The following KCTD19 variants were observed in gnomAD, a reference collection of about 807,000 sequenced individuals.
The protein encoded by KCTD19 is potassium channel tetramerization domain containing 19, also known as BTB/POZ domain-containing protein KCTD19.
Under a neutral mutation model 103.5 loss-of-function variants are expected in KCTD19, and 67 were observed. That is an observed-to-expected ratio of 0.65 (90% confidence interval 0.53 to 0.79). The LOEUF is 0.79. Ranked by LOEUF, KCTD19 falls within the 30% of genes least tolerant of loss-of-function variation. KCTD19 has a pLI of 0.00. For synonymous variants in KCTD19, 439 were observed against 452.2 expected, an observed-to-expected ratio of 0.97 and a Z score of 0.37; for missense variants, 980 against 1,136.1, an observed-to-expected ratio of 0.86 and a Z score of 1.98.
intron 12 of KCTD19, among the ~76,000 whole-genome samples, chr16:67,292,862 C>T (rs1256518723): frequency 1.3e-5 from 2 of 152,162 alleles, no homozygotes; most frequent in African/African-American, 2.4e-5. Flanking sequence ...CTCTTACCCA[C>T]ACCTCAGTAA....
intron 2 of KCTD19, among the ~76,000 whole-genome samples, chr16:67,309,993 C>T (rs1030965633): frequency 2.0e-5 from 3 of 152,210 alleles, no homozygotes; most frequent in African/African-American, 4.8e-5. Context: ...AGATTGCCAT[C>T]CTTGCCAGTC....
intron 2 of KCTD19, among the ~76,000 whole-genome samples, chr16:67,315,014 C>G (rs2036994913): frequency 6.6e-6 from 1 of 151,764 alleles, no homozygotes; most frequent in Non-Finnish European, 1.5e-5. Context: ...AGCCATCATG[C>G]CTAGCTAAAT....
rs747389979 is a variant in KCTD19 at position 67,289,586 on chromosome 16, A to G, written c.2764T>C (p.Tyr922His). 2.3e-5 allele frequency: 37 copies of G among 1,612,290 alleles called. No homozygotes were observed. Among genetic ancestry groups the G allele is most frequent in the Middle Eastern group, 1.6e-4 (1 of 6,062 alleles). The change falls in exon 16 of 16, where the codon TAC (tyrosine) becomes CAC (histidine). Residue 922 changes from tyrosine (Y) to histidine (H), a missense_variant. By Grantham distance (83) the Tyr-to-His change is moderately conservative. Coordinates refer to ENST00000304372, the MANE Select transcript of KCTD19 (RefSeq NM_001100915.3). ...TGGGCACCCTAGTCCTCTTGTAGGT[A>G]CTTTCCCAGGATGGAGTAAGAGACA... ...RSVSYSILGK[Y>H]LQED
chr16:67,291,472 G>A lies in KCTD19; in HGVS notation c.2411-9C>T, dbSNP rs570892420. On this transcript the variant is annotated splice_polypyrimidine_tract_variant and intron_variant, in intron 13 of 15. Transcript: ENST00000304372. ...ACTCAGGAAAGTCACTTCTGTGGAGGAGGGAAAGTGGATGTGGCCACATCT... is the reference window on the plus strand; with the variant it reads ...ACTCAGGAAAGTCACTTCTGTGGAGAAGGGAAAGTGGATGTGGCCACATCT... 156 of 1,612,704 alleles carry A rather than the reference G, an allele frequency of 9.7e-5. 2 individuals carry two copies. The South Asian group carries it at 1.7e-3, about 17-fold the overall frequency.
Position 67,291,357 on chromosome 16 carries a change from G to A in KCTD19, c.2517C>T (p.Asp839=). The A allele has an allele frequency of 1.9e-6, 3 of 1,614,168 alleles. No individual in the cohort carries two copies. The highest frequency in any genetic ancestry group is 1.1e-5 in the South Asian group (1 of 91,084). Residue 839 remains aspartate (D), a synonymous_variant, in exon 14 of 16, where the codon GAC becomes GAT. Transcript: ENST00000304372. ...DIIMDSIRQK[D]PKAITAKVVS... ...CCACCTTGGCTGTGATGGCTTTGGG[G>A]TCCTTTTGCCTGATGGAATCCATGA...
intron 2 of KCTD19, among the ~76,000 whole-genome samples, chr16:67,310,589 G>A (rs2142515555): frequency 6.6e-6 from 1 of 152,308 alleles, no homozygotes; most frequent in African/African-American, 2.4e-5. Context: ...AAGAATAAAT[G>A]ATGTTGCTTT....
chr16:67,293,582 G>T lies in KCTD19; in HGVS notation c.2180C>A (p.Thr727Asn). ...CCTCTGCTTGCTCCAGTCCTTCAGG[G>T]TGCCAGCTCTTTTTGGGGGTAAGTA... is the stretch of plus-strand genomic sequence containing the variant. The part of the protein sequence containing the change: ...KPYLPPKRAG[T>N]LKDWSKQRTK... Residue 727 changes from threonine to asparagine, a missense_variant, in exon 12 of 16, where the codon ACC becomes AAC. By Grantham distance (65) the Thr-to-Asn change is moderately conservative (BLOSUM62 0). Coordinates refer to ENST00000304372, the MANE Select transcript of KCTD19 (RefSeq NM_001100915.3). The surrounding 1 kb of genome is among the most constrained non-coding windows in gnomAD (Gnocchi z 4.0). 6.2e-7 allele frequency: 1 copy of T among 1,614,074 alleles called. No homozygotes were observed. The highest frequency in any genetic ancestry group is 8.5e-7 in the Non-Finnish European group (1 of 1,180,030).
At position 67,320,983 on chromosome 16, in the gene KCTD19, C is replaced by T; in HGVS notation, c.4-98G>A. On this transcript the variant is annotated intron_variant, in intron 1 of 15. Coordinates refer to ENST00000304372, the MANE Select transcript of KCTD19 (RefSeq NM_001100915.3). The surrounding 1 kb of genome is among the most constrained non-coding windows in gnomAD (Gnocchi z 4.0). ...ATAAACTATCTCTGTTTGCTGATGA[C>T]ATGATCTTGTATATAAAAAATCCTA... The T allele has an allele frequency of 1.9e-6, 2 of 1,060,808 alleles. No homozygotes were observed. The highest frequency in any genetic ancestry group is 2.7e-6 in the Non-Finnish European group (2 of 745,658). The allele number at this position is 1,060,808 out of a possible 1,614,324, so 65.7% of individuals were successfully genotyped here.
chr16:67,310,797 T>G lies in KCTD19; in HGVS notation c.301-6226A>C, dbSNP rs561650399. Among the ~76,000 whole-genome samples the G allele has an allele frequency of 1.3e-4, 20 of 152,244 alleles. No individual in the cohort carries two copies. The Middle Eastern group carries it at 0.01, about 78-fold the overall frequency. On this transcript the variant is annotated intron_variant, in intron 2 of 15. Coordinates refer to ENST00000304372, the MANE Select transcript of KCTD19 (RefSeq NM_001100915.3). ...ATGCCTTATGCTCTGATGTAGGCTG[T>G]TGGAAAGAATGTGATGGTAAAGGAG...
chr16:67,324,725 C>T (rs2037111001), intron 1 of KCTD19, among the ~76,000 whole-genome samples: 1 of 152,080 alleles, frequency 6.6e-6, no homozygotes. Flanking sequence ...TAAATGCATG[C>T]AAGAAAGAAT....
At chr16:67,294,363 C>G (rs1199008144) in intron 11 of KCTD19, among the ~76,000 whole-genome samples, 192 bp from the exon 12 acceptor site, 1 of 152,236 alleles carries the variant, frequency 6.6e-6, no homozygotes, top group Non-Finnish European at 1.5e-5. Context: ...CCTGTCATTC[C>G]AACAGGAGAT....
intron 2 of KCTD19, among the ~76,000 whole-genome samples, chr16:67,316,450 G>A (rs2037014571): frequency 6.6e-6 from 1 of 152,068 alleles, no homozygotes; most frequent in African/African-American, 2.4e-5. Flanking sequence ...CAGATTCGAT[G>A]TAAATGTTTT....
At chr16:67,302,590 G>A (rs1026953588) in intron 4 of KCTD19, 1 of 156,842 alleles carries the variant, frequency 6.4e-6, no homozygotes, top group Admixed American at 6.5e-5. Context: ...GGGGGAGAGA[G>A]GCTCTCTCTG....
rs763301444 is a variant in KCTD19, at chr16:67,289,529, C to G, written c.*40G>C. Reference sequence around the variant, plus strand: ...TGGGCTATCTCCAATTAAAATGAGACTTGGCGGGTGGGGCATGAGGGGCTG... The same window carrying G: ...TGGGCTATCTCCAATTAAAATGAGAGTTGGCGGGTGGGGCATGAGGGGCTG... On this transcript the variant is annotated 3_prime_UTR_variant, in exon 16 of 16. Transcript: ENST00000304372. The G allele has an allele frequency of 8.1e-7, 1 of 1,232,602 alleles. No homozygotes were observed. The highest frequency in any genetic ancestry group is 1.7e-5 in the Admixed American group (1 of 58,610). The allele number at this position is 1,232,602 out of a possible 1,614,324, so 76.4% of individuals were successfully genotyped here.
rs761112874 is a variant in KCTD19 at position 67,293,902 on chromosome 16, C to G, written c.1860G>C (p.Gln620His). The G allele has an allele frequency of 6.2e-6, 10 of 1,613,560 alleles. No homozygotes were observed. In the South Asian group the frequency reaches 1.1e-4, roughly 18 times the overall value. The change falls in exon 12 of 16, where the codon CAG (glutamine) becomes CAC (histidine). Residue 620 changes from glutamine (Q) to histidine (H), a missense_variant. Gln to His is a conservative substitution (Grantham distance 24). Transcript: ENST00000304372. The surrounding 1 kb of genome is among the most constrained non-coding windows in gnomAD (Gnocchi z 4.0). ...CGGGAGGGTCTTTGGTTTCAGATTT[C>G]TGTGTGAGGTTGATTGTGGTGCATT... ...KKKCTTINLTQKSETKDPPAT... is the reference protein window; with the variant it reads ...KKKCTTINLTHKSETKDPPAT...
intron 2 of KCTD19, among the ~76,000 whole-genome samples, chr16:67,314,816 TATATATATATATATAGAGAG>T (rs1567453659): frequency 9.6e-6 from 1 of 103,754 alleles, no homozygotes; most frequent in Admixed American, 9.4e-5. Context: ...TATATATATA[TATATATATATATATAGAGAG>T]AGAGAGAGAG....
intron 5 of KCTD19, 126 bp from the exon 6 acceptor site, chr16:67,299,699 T>C: frequency 1.4e-6 from 1 of 707,718 alleles, no homozygotes; most frequent in Non-Finnish European, 2.3e-6. Context: ...GATATTTCTT[T>C]GCACAGTCCA....
chr16:67,298,407 C>A (rs1418836070), intron 6 of KCTD19, among the ~76,000 whole-genome samples: 1 of 152,152 alleles, frequency 6.6e-6, no homozygotes, highest in African/African-American at 2.4e-5. Flanking sequence ...TCTAAATGGA[C>A]TAATTTCATG....
rs902520485 is a variant in KCTD19, at chr16:67,293,346, C to T, written c.2218+198G>A. On this transcript the variant is annotated intron_variant, in intron 12 of 15. Transcript: ENST00000304372. This position sits in a 1 kb window ranked among gnomAD's most constrained non-coding sequence, Gnocchi z 4.0. ...CTCCTTCCCACAGCACTCATCCCTT[C>T]GCCGTGTGTGTTCTCCTGGCCCCTC... 3.9e-5 allele frequency among the ~76,000 whole-genome samples: 6 copies of T among 152,202 alleles called. No homozygotes were observed. Among genetic ancestry groups the T allele is most frequent in the African/African-American group, 7.2e-5 (3 of 41,456 alleles).
Sources: gnomAD v4.1 joint callset for allele counts (sites outside exome capture counted in the v4.1 genomes callset) on GRCh38, gnomAD v4.1.1 for gene constraint, Gnocchi (gnomAD v3.1) non-coding constraint, MANE v1.5 for transcripts, NCBI Gene and HGNC (gene_info 2026-07-23, HGNC 2026-07-21) for gene names.